SCCPDH: variants seen among roughly 807,000 people sequenced by gnomAD.
The protein encoded by SCCPDH is saccharopine dehydrogenase-like oxidoreductase.
SCCPDH carries 34 observed loss-of-function variants against 51.5 expected under a neutral mutation model. That is an observed-to-expected ratio of 0.66 (90% CI 0.50 to 0.88). The LOEUF (loss-of-function observed/expected upper bound fraction) is 0.88. Among genes scored for constraint, SCCPDH ranks in the 40% least tolerant of loss-of-function variants. SCCPDH has a pLI of 0.00. For synonymous variants in SCCPDH, 187 were observed against 191.3 expected (o/e 0.98, Z 0.19); for missense variants, 464 against 527.1 (o/e 0.88, Z 1.17).
chr1:246,731,853 T>C (rs1280370842), intron 2 of SCCPDH, among the ~76,000 whole-genome samples: 1 of 152,132 alleles, frequency 6.6e-6, no homozygotes, highest in East Asian at 1.9e-4. Context: ...CTCAATGCTA[T>C]CCCTACCCCT....
intron 3 of SCCPDH, among the ~76,000 whole-genome samples, chr1:246,737,885 C>T (rs941207414): frequency 1.2e-4 from 19 of 152,068 alleles, no homozygotes; most frequent in Admixed American, 1.1e-3. Flanking sequence ...AGCCACCACG[C>T]CCAGCCATAA....
At chr1:246,760,916 C>T (rs1435900167) in intron 9 of SCCPDH, among the ~76,000 whole-genome samples, 2 of 152,178 alleles carry the variant, frequency 1.3e-5, no homozygotes, top group African/African-American at 2.4e-5. Flanking sequence ...TCTTCAAAAT[C>T]TACCCAACTG....
At chr1:246,757,763 T>G (rs1668953993) in intron 5 of SCCPDH, among the ~76,000 whole-genome samples, 1 of 152,070 alleles carries the variant, frequency 6.6e-6, no homozygotes, top group South Asian at 2.1e-4. Flanking sequence ...TGTAACAGGA[T>G]GGAGAGATGG....
Position 246,760,215 on chromosome 1 carries a change from A to G in SCCPDH, c.978A>G (p.Pro326=), listed in dbSNP as rs1192004727. 1 of 1,609,606 alleles carries G rather than the reference A, an allele frequency of 6.2e-7. No homozygotes were observed. Among genetic ancestry groups the G allele is most frequent in the South Asian group, 1.1e-5 (1 of 89,322 alleles). The part of the protein sequence containing the change: ...FSFGYFSKQG[P]TQKQIDAASF... The stretch of plus-strand genomic sequence containing the variant: ...TTGGCTATTTTTCAAAACAAGGCCC[A>G]ACACAAAAACAGGTAATTTCTTTTG... Residue 326 remains proline, a synonymous_variant, in exon 9 of 12, where the codon CCA becomes CCG. Coordinates refer to ENST00000366510, the MANE Select transcript of SCCPDH (RefSeq NM_016002.3).
chr1:246,740,103 A>G, intron 3 of SCCPDH, 69 bp from the exon 4 acceptor site: 1 of 1,251,456 alleles, frequency 8.0e-7, no homozygotes, highest in Non-Finnish European at 1.1e-6. Flanking sequence ...GTTTTTAAAG[A>G]TAAATTATTT....
intron 9 of SCCPDH, among the ~76,000 whole-genome samples, chr1:246,761,476 C>T (rs1669012226): frequency 6.6e-6 from 1 of 152,186 alleles, no homozygotes; most frequent in African/African-American, 2.4e-5. Context: ...TCTTTTTGTG[C>T]AGCCATCACC....
At position 246,728,558 on chromosome 1, in the gene SCCPDH, G is replaced by C. The variant is rs6689856; in HGVS notation, c.303+1554G>C. Among the ~76,000 whole-genome samples, 19 of 152,254 alleles carry C rather than the reference G, an allele frequency of 1.2e-4. 1 individual carries two copies. In the South Asian group the frequency reaches 1.9e-3, roughly 15 times the overall value. ...ACGTTGTGTGGTGCTTAGCACCTCC[G>C]GCAGCTCTGCTCTATTTCCCTCAGG... On this transcript the variant is annotated intron_variant, in intron 2 of 11. Transcript: ENST00000366510.
At chr1:246,752,406 T>C (rs1473082627) in intron 5 of SCCPDH, among the ~76,000 whole-genome samples, 1 of 152,176 alleles carries the variant, frequency 6.6e-6, no homozygotes, top group Non-Finnish European at 1.5e-5. Flanking sequence ...TGTTTGGCTA[T>C]CTGATTAATA....
chr1:246,740,429 C>T, intron 4 of SCCPDH, 128 bp downstream of exon 4: 1 of 717,448 alleles, frequency 1.4e-6, no homozygotes, highest in Non-Finnish European at 2.2e-6. Flanking sequence ...ATATTAAACA[C>T]ATGTTTTGTT....
At chr1:246,749,263 A>G (rs1419363421) in intron 5 of SCCPDH, among the ~76,000 whole-genome samples, 2 of 152,226 alleles carry the variant, frequency 1.3e-5, no homozygotes, top group Non-Finnish European at 2.9e-5. Flanking sequence ...TAGCGTGCAA[A>G]CAGAATATTT....
At chr1:246,743,318 C>T (rs1668707912) in intron 4 of SCCPDH, among the ~76,000 whole-genome samples, 1 of 151,502 alleles carries the variant, frequency 6.6e-6, no homozygotes, top group Admixed American at 6.6e-5. Flanking sequence ...GGCATGGTGG[C>T]TCACGCCTGA....
In SCCPDH at chr1:246,767,377, A is replaced by G; in HGVS notation, c.*77A>G. 2 of 809,116 alleles carry G rather than the reference A, an allele frequency of 2.5e-6. No homozygotes were observed. Among genetic ancestry groups the G allele is most frequent in the South Asian group, 5.0e-5 (2 of 40,142 alleles). 50.1% of individuals were successfully genotyped at this position (809,116 alleles called of 1,614,324 possible). A position where few individuals can be genotyped will look rare whatever the true frequency, so the allele number is the denominator to read the frequency against. ...TATTTGATATTTGAAATTCTTCTGTAAGCCTGTCTGAGTGTATGTGGAAAC... is the reference window on the plus strand; with the variant it reads ...TATTTGATATTTGAAATTCTTCTGTGAGCCTGTCTGAGTGTATGTGGAAAC... On this transcript the variant is annotated 3_prime_UTR_variant, in exon 12 of 12. Coordinates refer to ENST00000366510, the MANE Select transcript of SCCPDH (RefSeq NM_016002.3).
At chr1:246,737,534 A>G (rs1220386025) in intron 3 of SCCPDH, among the ~76,000 whole-genome samples, 1 of 152,124 alleles carries the variant, frequency 6.6e-6, no homozygotes, top group African/African-American at 2.4e-5. Context: ...AACCCAGAAC[A>G]TAGAAAATGG....
Position 246,726,879 on chromosome 1 carries a change from TTTC to T in SCCPDH, c.191-10_191-8del, listed in dbSNP as rs1213694897. 15 of 1,578,202 alleles carry T rather than the reference TTTC, an allele frequency of 9.5e-6. No homozygotes were observed. Among genetic ancestry groups the T allele is most frequent in the Middle Eastern group, 3.3e-4 (2 of 5,988 alleles). ...ACTGGGATTTACTTTCCTTCATTTG[TTTC>T]TTATTTTAGGAAGACCAACACTGTC... On this transcript the variant is annotated splice_polypyrimidine_tract_variant and intron_variant, in intron 1 of 11. Coordinates refer to ENST00000366510, the MANE Select transcript of SCCPDH (RefSeq NM_016002.3).
At position 246,746,521 on chromosome 1, in the gene SCCPDH, T is replaced by G. The variant is rs138848418; in HGVS notation, c.564+2396T>G. 9.5e-3 allele frequency among the ~76,000 whole-genome samples: 1,452 copies of G among 152,268 alleles called. 11 individuals are homozygous for G. The highest frequency in any genetic ancestry group is 0.024 in the Middle Eastern group (7 of 294). Reference sequence around the variant, plus strand: ...GCAGAAACTGGGCATAAGACAATATTAGGGGTGGTCTCCTCCCTTATAAGA... The same window carrying G: ...GCAGAAACTGGGCATAAGACAATATGAGGGGTGGTCTCCTCCCTTATAAGA... On this transcript the variant is annotated intron_variant, in intron 5 of 11. Transcript: ENST00000366510.
At chr1:246,728,677 A>C (rs759614688) in intron 2 of SCCPDH, among the ~76,000 whole-genome samples, 13 of 151,346 alleles carry the variant, frequency 8.6e-5, no homozygotes, top group East Asian at 1.9e-4. Flanking sequence ...ATCTGATTTT[A>C]TTTTTCTTTT....
intron 3 of SCCPDH, among the ~76,000 whole-genome samples, chr1:246,738,567 G>C (rs1668632513): frequency 6.6e-6 from 1 of 151,138 alleles, no homozygotes; most frequent in Non-Finnish European, 1.5e-5. Context: ...TAGAAATAAA[G>C]ACAATTTATT....
intron 4 of SCCPDH, among the ~76,000 whole-genome samples, chr1:246,742,267 T>G (rs1303765799): frequency 6.6e-6 from 1 of 152,264 alleles, no homozygotes; most frequent in Non-Finnish European, 1.5e-5. Context: ...CTGTGAAGTT[T>G]AGAAGTTTTC....
chr1:246,727,917 C>T (rs12737081), intron 2 of SCCPDH, among the ~76,000 whole-genome samples: 8,937 of 152,020 alleles, frequency 0.059, 331 homozygotes, highest in African/African-American at 0.078. Flanking sequence ...GACCAAGAGG[C>T]GTTGAATGGT....
Sources: allele counts gnomAD v4.1 joint callset (sites outside exome capture counted in the v4.1 genomes callset), GRCh38; gene constraint gnomAD v4.1.1; transcripts MANE v1.5; gene names NCBI Gene and HGNC (gene_info 2026-07-23, HGNC 2026-07-21).